MTHFD1L: variants seen among roughly 807,000 people sequenced by gnomAD.
MTHFD1L encodes the protein methylenetetrahydrofolate dehydrogenase (NADP+ dependent) 1 like, also known as monofunctional C1-tetrahydrofolate synthase, mitochondrial.
A neutral mutation model predicts 119.5 loss-of-function variants in MTHFD1L; 81 were observed. The ratio of observed to expected loss-of-function variants is 0.68; its 90% CI spans 0.57 to 0.82. The LOEUF (loss-of-function observed/expected upper bound fraction) is 0.82, where lower values mean the gene tolerates loss of function less well. Among genes scored for constraint, MTHFD1L ranks in the 40% least tolerant of loss-of-function variants. MTHFD1L has a pLI of 0.00. For synonymous variants in MTHFD1L, 430 were observed against 475.2 expected (o/e 0.90, Z 1.24); for missense variants, 1,125 against 1,253.4 (o/e 0.90, Z 1.55).
chr6:151,077,310 T>C, intron 26 of MTHFD1L, among the ~76,000 whole-genome samples: 1 of 152,218 alleles, frequency 6.6e-6, no homozygotes, highest in African/African-American at 2.4e-5. Flanking sequence ...AAACAAAACA[T>C]GCAAATAATC....
chr6:151,029,527 T>G (rs1319798337), intron 24 of MTHFD1L, among the ~76,000 whole-genome samples: 1 of 151,936 alleles, frequency 6.6e-6, no homozygotes, highest in Non-Finnish European at 1.5e-5. Flanking sequence ...CCAGGCACAG[T>G]GGCTCACGCC....
intron 20 of MTHFD1L, among the ~76,000 whole-genome samples, chr6:151,008,162 CAG>C (rs769782983): frequency 1.8e-4 from 28 of 152,104 alleles, no homozygotes; most frequent in African/African-American, 2.9e-4. Flanking sequence ...TGTTCAGTAA[CAG>C]GGGGAACAAT....
Position 150,887,909 on chromosome 6 carries a change from A to T in MTHFD1L, c.708A>T (p.Leu236=). The T allele has an allele frequency of 6.2e-7, 1 of 1,611,190 alleles. No homozygotes were observed. Among genetic ancestry groups the T allele is most frequent in the Middle Eastern group, 1.7e-4 (1 of 6,060 alleles). ...VGAHGSLEAA[L]QCLFQRKGSM... ...CCCATGGGTCTTTGGAAGCTGCTCT[A>T]CAATGCCTGTTCCAGAGAAAAGGGT... The change falls in exon 7 of 28, where the codon CTA becomes CTT. Residue 236 remains leucine (L), a synonymous_variant. Coordinates refer to ENST00000367321, the MANE Select transcript of MTHFD1L (RefSeq NM_015440.5).
At chr6:151,008,748 C>A (rs554861005) in intron 20 of MTHFD1L, among the ~76,000 whole-genome samples, 2 of 152,230 alleles carry the variant, frequency 1.3e-5, no homozygotes, top group African/African-American at 2.4e-5. Context: ...TATCCTTATG[C>A]CCTTCAACTA....
intron 26 of MTHFD1L, among the ~76,000 whole-genome samples, chr6:151,050,423 A>G (rs779807994): frequency 2.6e-5 from 4 of 152,174 alleles, no homozygotes; most frequent in Admixed American, 6.5e-5. Flanking sequence ...TGGCCTCCCA[A>G]AGTGCTGGGA....
rs1319673361 is a variant in MTHFD1L at position 151,012,016 on chromosome 6, CAACAAAAAAAAAAAAAAAAAAAAA to C, written c.2266-1760_2266-1737del. Among the ~76,000 whole-genome samples, 12 of 27,620 alleles carry C rather than the reference CAACAAAAAAAAAAAAAAAAAAAAA, an allele frequency of 4.3e-4. 1 individual carries two copies. The East Asian group carries it at 5.0e-3, about 11-fold the overall frequency. The allele number at this position is 27,620 out of a possible 152,430, so 18.1% of individuals were successfully genotyped here. ...AAGTCCATCTCAACAACAACAACAA[CAACAAAAAAAAAAAAAAAAAAAAA>C]AAAAAAAAAAACCAGCAGGGACCAG... On this transcript the variant is annotated intron_variant, in intron 21 of 27. Coordinates refer to ENST00000367321, the MANE Select transcript of MTHFD1L (RefSeq NM_015440.5).
chr6:151,036,969 T>C lies in MTHFD1L; in HGVS notation c.2699T>C (p.Phe900Ser). ...ATTTTCTTTCCTTTCTCACAGGGTT[T>C]TGGAAATTTGCCCATCTGCATGGCA... ...AKIDRYTQQG[F>S]GNLPICMAKT... The change falls in exon 26 of 28, where the codon TTT becomes TCT. Residue 900 changes from phenylalanine (F) to serine (S), a missense_variant. This residue lies in a region of MTHFD1L where 1,058 missense variants were observed against 1,151.2 expected (regional missense o/e 0.92). Coordinates refer to ENST00000367321, the MANE Select transcript of MTHFD1L (RefSeq NM_015440.5). 3.1e-6 allele frequency: 5 copies of C among 1,612,008 alleles called. No homozygotes were observed. Among genetic ancestry groups the C allele is most frequent in the Non-Finnish European group, 4.2e-6 (5 of 1,179,846 alleles).
chr6:150,907,251 A>G lies in MTHFD1L; in HGVS notation c.892+1490A>G, dbSNP rs76445380. ...GAATCTCTTTGAGCTCTGTGGTTAT[A>G]TGACAGTGACATATATTTTGTTAGT... On this transcript the variant is annotated intron_variant, in intron 8 of 27. Transcript: ENST00000367321. Among the ~76,000 whole-genome samples the G allele has an allele frequency of 5.4e-4, 83 of 152,314 alleles. 1 individual carries two copies. In the East Asian group the frequency reaches 0.015, roughly 28 times the overall value.
intron 4 of MTHFD1L, among the ~76,000 whole-genome samples, chr6:150,879,419 C>T (rs1055627887): frequency 6.6e-6 from 1 of 151,998 alleles, no homozygotes; most frequent in Non-Finnish European, 1.5e-5. Flanking sequence ...TCCCAAGTAG[C>T]TGGGATTACA....
chr6:150,888,117 T>C, intron 7 of MTHFD1L, 136 bp downstream of exon 7: 3 of 928,322 alleles, frequency 3.2e-6, no homozygotes, highest in Non-Finnish European at 3.0e-6. Flanking sequence ...ATTAAAGACA[T>C]TGAATGAGTC....
chr6:150,897,066 G>A (rs762211967), intron 7 of MTHFD1L, among the ~76,000 whole-genome samples: 25 of 152,094 alleles, frequency 1.6e-4, no homozygotes, highest in Non-Finnish European at 2.2e-4. Flanking sequence ...GCAGTGAGCC[G>A]AGATCGCGCC....
intron 20 of MTHFD1L, among the ~76,000 whole-genome samples, chr6:150,976,162 T>C (rs1170122078): frequency 6.6e-6 from 1 of 152,020 alleles, no homozygotes; most frequent in African/African-American, 2.4e-5. Context: ...GATCACACCA[T>C]TGCACTCCAG....
At chr6:150,953,363 C>T (rs1403639592) in intron 16 of MTHFD1L, among the ~76,000 whole-genome samples, 2 of 152,118 alleles carry the variant, frequency 1.3e-5, no homozygotes, top group Non-Finnish European at 2.9e-5. Context: ...AAACAGATCT[C>T]CCCCGGCTGC....
At chr6:151,029,869 AC>A (rs1175426641) in intron 24 of MTHFD1L, among the ~76,000 whole-genome samples, 1 of 152,200 alleles carries the variant, frequency 6.6e-6, no homozygotes, top group Non-Finnish European at 1.5e-5. Context: ...GATTGCTATT[AC>A]TTTGCTCCCA....
At chr6:150,994,078 A>AAGGAAGGAAGGAAGG (rs1252305117) in intron 20 of MTHFD1L, among the ~76,000 whole-genome samples, 4 of 118,062 alleles carry the variant, frequency 3.4e-5, no homozygotes, top group African/African-American at 2.0e-4. Context: ...AAAAAAAAAA[A>AAGGAAGGAAGGAAGG]AAGAAAGAAA....
At chr6:150,911,376 A>G (rs1562363087) in intron 8 of MTHFD1L, among the ~76,000 whole-genome samples, 1 of 152,232 alleles carries the variant, frequency 6.6e-6, no homozygotes, top group Non-Finnish European at 1.5e-5. Flanking sequence ...AATTTAAACT[A>G]GGATTGCAAC....
At chr6:150,889,033 C>A (rs773030457) in intron 7 of MTHFD1L, among the ~76,000 whole-genome samples, 57 of 152,098 alleles carry the variant, frequency 3.7e-4, no homozygotes, top group Non-Finnish European at 4.9e-4. Flanking sequence ...AAAAATTAGC[C>A]GGGCGTGTCG....
intron 20 of MTHFD1L, among the ~76,000 whole-genome samples, chr6:150,987,223 A>G (rs760246040): frequency 1.1e-4 from 17 of 152,112 alleles, no homozygotes; most frequent in Non-Finnish European, 4.4e-5. Flanking sequence ...CTAGCAGGCT[A>G]TTTATCCATT....
chr6:151,046,469 GTGTATATATATA>G (rs776901967), intron 26 of MTHFD1L, among the ~76,000 whole-genome samples: 9,580 of 116,612 alleles, frequency 0.082, 554 homozygotes, highest in African/African-American at 0.14. Flanking sequence ...ATATGTGTGT[GTGTATATATATA>G]TATATATATA....
Sources: gnomAD v4.1 joint callset for allele counts (sites outside exome capture counted in the v4.1 genomes callset) on GRCh38, gnomAD v4.1.1 for gene constraint, gnomAD v4.1.1 regional missense constraint, MANE v1.5 for transcripts, NCBI Gene and HGNC (gene_info 2026-07-23, HGNC 2026-07-21) for gene names.